Variants in REV3L observed in about 807,000 individuals in gnomAD.
The protein encoded by REV3L is REV3 like, DNA directed polymerase zeta catalytic subunit, also known as DNA polymerase zeta catalytic subunit.
Under a neutral mutation model 299.4 loss-of-function variants are expected in REV3L, and 69 were observed. That is an observed-to-expected ratio of 0.23 (90% CI 0.19 to 0.28). The LOEUF (loss-of-function observed/expected upper bound fraction) is 0.28, where lower values mean the gene tolerates loss of function less well. Among genes scored for constraint, REV3L ranks in the 10% least tolerant of loss-of-function variants. REV3L has a pLI of 1.00. For missense variants in REV3L, 3,128 were observed against 3,693.8 expected (o/e 0.85, Z 3.97); for synonymous variants, 1,238 against 1,271.4 (o/e 0.97, Z 0.56).
chr6:111,362,364 T>C (rs886436662), intron 16 of REV3L, among the ~76,000 whole-genome samples: 3 of 152,162 alleles, frequency 2.0e-5, no homozygotes, highest in Non-Finnish European at 2.9e-5. Flanking sequence ...ATCTAATCTC[T>C]AGAACAGTTT....
At chr6:111,439,434 T>C (rs1378661609) in intron 1 of REV3L, among the ~76,000 whole-genome samples, 5 of 152,056 alleles carry the variant, frequency 3.3e-5, no homozygotes, top group South Asian at 4.2e-4. Flanking sequence ...CAACAACCAA[T>C]TGAGAGCAAT....
At chr6:111,432,637 A>T (rs1265654210) in intron 1 of REV3L, among the ~76,000 whole-genome samples, 1 of 152,248 alleles carries the variant, frequency 6.6e-6, no homozygotes, top group Non-Finnish European at 1.5e-5. Context: ...AGTAATGGAC[A>T]GAACATCCAG....
At chr6:111,424,680 T>G (rs1007779963) in intron 1 of REV3L, among the ~76,000 whole-genome samples, 1 of 152,122 alleles carries the variant, frequency 6.6e-6, no homozygotes, top group Non-Finnish European at 1.5e-5. Context: ...AGCCCTACCC[T>G]CAGAAAACTG....
chr6:111,443,917 A>C (rs1388813580), intron 1 of REV3L, among the ~76,000 whole-genome samples: 7 of 152,210 alleles, frequency 4.6e-5, no homozygotes. Context: ...TAATTGTTTT[A>C]TAAAAAGGAG....
Position 111,376,059 on chromosome 6 carries a change from C to T in REV3L, c.2296G>A (p.Glu766Lys). The change falls in exon 13 of 32, where the codon GAA (glutamate) becomes AAA (lysine). Residue 766 changes from glutamate to lysine, a missense_variant. Glu to Lys is a moderately conservative substitution (Grantham distance 56, BLOSUM62 1). Transcript: ENST00000368802. Reference sequence around the variant, plus strand: ...ATTTTAAGTTTATTTAGTCCACTTTCATCAGCAGTGCTATTAAGAGAATGC... The same window carrying T: ...ATTTTAAGTTTATTTAGTCCACTTTTATCAGCAGTGCTATTAAGAGAATGC... ...MVHSLNSTADESGLNKLKIRY... is the reference protein window; with the variant it reads ...MVHSLNSTADKSGLNKLKIRY... The T allele has an allele frequency of 6.2e-7, 1 of 1,613,952 alleles. No homozygotes were observed. The highest frequency in any genetic ancestry group is 8.5e-7 in the Non-Finnish European group (1 of 1,179,924).
rs1372459222 is a variant in REV3L at position 111,344,001 on chromosome 6, C to T, written c.7462G>A (p.Val2488Ile). ...NYTFENVSFH[V>I]LHQRFPLFTF... ...AAGAGGGGAAAACGCTGATGAAGAA[C>T]ATGAAAGCTCACATTTTCAAAGGTG... Residue 2488 changes from valine (V) to isoleucine (I), a missense_variant, in exon 21 of 32, where the codon GTT (valine) becomes ATT (isoleucine). Around this residue, in one of 9 missense-constraint regions of REV3L, gnomAD observed 149 missense variants for 286.4 expected, o/e 0.52. Coordinates refer to ENST00000368802, the MANE Select transcript of REV3L (RefSeq NM_001372078.1). The T allele has an allele frequency of 8.1e-6, 13 of 1,612,168 alleles. No homozygotes were observed. Among genetic ancestry groups the T allele is most frequent in the Admixed American group, 1.7e-5 (1 of 59,750 alleles).
intron 31 of REV3L, among the ~76,000 whole-genome samples, chr6:111,303,700 A>AATTT (rs1771921771): frequency 1.3e-4 from 1 of 7,582 alleles, no homozygotes; most frequent in African/African-American, 4.4e-4. Flanking sequence ...ACAGACTATG[A>AATTT]CTTTTTTTTT....
rs766880750 is a variant in REV3L at position 111,374,880 on chromosome 6, T to A, written c.3475A>T (p.Thr1159Ser). 2 of 1,613,692 alleles carry A rather than the reference T, an allele frequency of 1.2e-6. No individual in the cohort carries two copies. Among genetic ancestry groups the A allele is most frequent in the African/African-American group, 2.7e-5 (2 of 74,898 alleles). Residue 1159 changes from threonine to serine, a missense_variant, in exon 13 of 32, where the codon ACT becomes TCT. Transcript: ENST00000368802. ...LFKGPNVYKK[T>S]VNSRIGKTSR... ...GTTTTTCCTATACGAGAATTAACAG[T>A]CTTCTTATATACATTAGGACCCTTA...
In REV3L at chr6:111,373,830, A is replaced by T; in HGVS notation, c.4525T>A (p.Cys1509Ser). Residue 1509 changes from cysteine to serine, a missense_variant, in exon 13 of 32, where the codon TGT becomes AGT. Physicochemically the swap from Cys to Ser is moderately radical, Grantham distance 112. Coordinates refer to ENST00000368802, the MANE Select transcript of REV3L (RefSeq NM_001372078.1). The part of the protein sequence containing the change: ...AISQTKALSQ[C>S]KNRNVSTPSA... ...GGTGTTGACACATTTCGATTTTTAC[A>T]CTGAGAAAGTGCTTTGGTTTGTGAA... 6.2e-7 allele frequency: 1 copy of T among 1,614,134 alleles called. No individual in the cohort carries two copies. Among genetic ancestry groups the T allele is most frequent in the Admixed American group, 1.7e-5 (1 of 60,016 alleles).
chr6:111,464,864 T>G (rs1791236588), intron 1 of REV3L, among the ~76,000 whole-genome samples: 2 of 151,790 alleles, frequency 1.3e-5, no homozygotes, highest in African/African-American at 4.8e-5. Flanking sequence ...TAGCTGGACA[T>G]GGCAGCGTGC....
At chr6:111,420,401 C>G (rs1330736381) in intron 1 of REV3L, among the ~76,000 whole-genome samples, 2 of 152,138 alleles carry the variant, frequency 1.3e-5, no homozygotes, top group African/African-American at 2.4e-5. Flanking sequence ...TAGCGATTTT[C>G]AAGTATATAA....
At chr6:111,421,598 A>T (rs1426172804) in intron 1 of REV3L, among the ~76,000 whole-genome samples, 1 of 151,842 alleles carries the variant, frequency 6.6e-6, no homozygotes, top group Non-Finnish European at 1.5e-5. Flanking sequence ...CTCCATCATC[A>T]TCTGGAATAG....
intron 14 of REV3L, among the ~76,000 whole-genome samples, chr6:111,366,755 A>G (rs941590168): frequency 1.3e-5 from 2 of 152,136 alleles, no homozygotes; most frequent in Non-Finnish European, 2.9e-5. Flanking sequence ...TTGGCTTTGA[A>G]GGGGAGGAGA....
intron 1 of REV3L, among the ~76,000 whole-genome samples, chr6:111,450,577 T>C (rs1038269415): frequency 4.7e-5 from 7 of 149,378 alleles, no homozygotes; most frequent in African/African-American, 1.7e-4. Context: ...GTTCCTGCAG[T>C]GGAGGGTAAG....
At chr6:111,459,587 C>A (rs1790526894) in intron 1 of REV3L, among the ~76,000 whole-genome samples, 4 of 151,890 alleles carry the variant, frequency 2.6e-5, no homozygotes, top group African/African-American at 9.7e-5. Flanking sequence ...AAACAAATAA[C>A]CCCATTAAAA....
chr6:111,324,576 G>T (rs1197591019), intron 25 of REV3L, among the ~76,000 whole-genome samples: 1 of 152,146 alleles, frequency 6.6e-6, no homozygotes, highest in Non-Finnish European at 1.5e-5. Flanking sequence ...ATACATAGTG[G>T]TCTTAAATGT....
At chr6:111,318,356 G>C (rs540819225) in intron 26 of REV3L, among the ~76,000 whole-genome samples, 88 of 151,980 alleles carry the variant, frequency 5.8e-4, no homozygotes, top group Middle Eastern at 3.4e-3. Context: ...CACCGTGTTA[G>C]CCAGGATGGT....
chr6:111,374,102 T>A lies in REV3L; in HGVS notation c.4253A>T (p.Asn1418Ile), dbSNP rs1425558787. Residue 1418 changes from asparagine to isoleucine, a missense_variant, in exon 13 of 32, where the codon AAT (asparagine) becomes ATT (isoleucine). By Grantham distance (149) the Asn-to-Ile change is moderately radical. Transcript: ENST00000368802. ...ESKLDQAYTP[N>I]FLHCKDSQQQ... ...CTGACTGTCTTTGCAATGCAAAAAA[T>A]TAGGGGTATATGCTTGGTCCAGCTT... is the stretch of plus-strand genomic sequence containing the variant. The A allele has an allele frequency of 6.2e-7, 1 of 1,614,096 alleles. No individual in the cohort carries two copies. Among genetic ancestry groups the A allele is most frequent in the East Asian group, 2.2e-5 (1 of 44,868 alleles).
chr6:111,421,659 A>T (rs1582924692), intron 1 of REV3L, among the ~76,000 whole-genome samples: 1 of 152,052 alleles, frequency 6.6e-6, no homozygotes, highest in East Asian at 1.9e-4. Flanking sequence ...CAAAATAGTG[A>T]TAGCCTAAGA....
Sources: allele counts gnomAD v4.1 joint callset (sites outside exome capture counted in the v4.1 genomes callset), GRCh38; gene constraint gnomAD v4.1.1; regional missense constraint gnomAD v4.1.1; transcripts MANE v1.5; gene names NCBI Gene and HGNC (gene_info 2026-07-23, HGNC 2026-07-21).